Variants in TLL2 observed in about 807,000 individuals in gnomAD.
TLL2 encodes tolloid-like protein 2.
Under a neutral mutation model 123.0 loss-of-function variants are expected in TLL2, and 106 were observed. That is an observed-to-expected ratio of 0.86 (90% CI 0.74 to 1.01). TLL2 has a LOEUF of 1.01. Ranked by LOEUF, TLL2 falls within the 50% of genes least tolerant of loss-of-function variation. The probability of loss-of-function intolerance (pLI) is 0.00; values close to 1 mark genes in which losing one functional copy is unlikely to be tolerated. For synonymous variants in TLL2, 494 were observed against 516.8 expected (o/e 0.96, Z 0.60); for missense variants, 1,332 against 1,336.7 (o/e 1.00, Z 0.06).
rs1232966569 is a variant in TLL2 at position 96,476,234 on chromosome 10, A to ATTTTTTTTTT, written c.286+4114_286+4115insAAAAAAAAAA. 6.7e-3 allele frequency among the ~76,000 whole-genome samples: 143 copies of ATTTTTTTTTT among 21,492 alleles called. 6 individuals are homozygous for ATTTTTTTTTT. The highest frequency in any genetic ancestry group is 0.024 in the African/African-American group (136 of 5,572). The allele number at this position is 21,492 out of a possible 152,430, so 14.1% of individuals were successfully genotyped here. ...TTTAATTTTATATGTATATATATAT[A>ATTTTTTTTTT]TATATATTTTATTTTTGTTGTTGTT... On this transcript the variant is annotated intron_variant, in intron 2 of 20. Transcript: ENST00000357947.
At chr10:96,508,667 C>A (rs1309722110) in intron 1 of TLL2, among the ~76,000 whole-genome samples, 1 of 152,002 alleles carries the variant, frequency 6.6e-6, no homozygotes, top group Non-Finnish European at 1.5e-5. Context: ...TTTTGAGTCA[C>A]ATACCCTCAG....
chr10:96,430,338 C>T (rs1564905779), intron 4 of TLL2, among the ~76,000 whole-genome samples: 2 of 152,226 alleles, frequency 1.3e-5, no homozygotes, highest in Admixed American at 6.5e-5. Flanking sequence ...CTGTTGCCTT[C>T]CGCCATGATT....
At chr10:96,433,086 A>G (rs1366733000) in intron 3 of TLL2, 124 bp from the exon 4 acceptor site, 2 of 1,341,814 alleles carry the variant, frequency 1.5e-6, no homozygotes, top group Non-Finnish European at 2.0e-6. Context: ...GGGCTATTTC[A>G]TCAGTTCAGG....
At chr10:96,463,537 C>T (rs1415548812) in intron 2 of TLL2, among the ~76,000 whole-genome samples, 4 of 152,190 alleles carry the variant, frequency 2.6e-5, no homozygotes, top group South Asian at 2.1e-4. Flanking sequence ...GGATCCTGTT[C>T]GGTTCCACAA....
At chr10:96,456,375 C>T (rs1467412268) in intron 2 of TLL2, among the ~76,000 whole-genome samples, 1 of 152,108 alleles carries the variant, frequency 6.6e-6, no homozygotes, top group African/African-American at 2.4e-5. Flanking sequence ...TCCCAGGAGA[C>T]AGGGGCAGGG....
At chr10:96,469,204 C>T (rs930712768) in intron 2 of TLL2, among the ~76,000 whole-genome samples, 4 of 152,230 alleles carry the variant, frequency 2.6e-5, no homozygotes, top group African/African-American at 4.8e-5. Context: ...ACTCAACACA[C>T]GAGAGTCTCA....
At chr10:96,467,855 G>C (rs931952105) in intron 2 of TLL2, among the ~76,000 whole-genome samples, 1 of 152,220 alleles carries the variant, frequency 6.6e-6, no homozygotes, top group Non-Finnish European at 1.5e-5. Flanking sequence ...GTTGGTCAAA[G>C]CTGAGAGGCC....
At chr10:96,385,237 C>G (rs1846222984) in intron 15 of TLL2, among the ~76,000 whole-genome samples, 1 of 152,150 alleles carries the variant, frequency 6.6e-6, no homozygotes, top group Non-Finnish European at 1.5e-5. Flanking sequence ...AGACATTTGT[C>G]TGAAGTCACA....
chr10:96,500,161 T>TCTCTCCCAAAAAAAAAAAAAAAAA (rs1847521050), intron 1 of TLL2, among the ~76,000 whole-genome samples: 2 of 68,152 alleles, frequency 2.9e-5, no homozygotes, highest in South Asian at 4.1e-4. Context: ...AAAAAAAAAA[T>TCTCTCCCAAAAAAAAAAAAAAAAA]ACAAAAATTA....
intron 2 of TLL2, among the ~76,000 whole-genome samples, chr10:96,476,519 C>T (rs1589432213): frequency 6.6e-6 from 1 of 151,594 alleles, no homozygotes; most frequent in African/African-American, 2.4e-5. Context: ...GCCTCGGCCT[C>T]CCAAAGTGCT....
intron 9 of TLL2, among the ~76,000 whole-genome samples, chr10:96,407,628 A>G (rs993938794): frequency 1.3e-5 from 2 of 152,178 alleles, no homozygotes; most frequent in Admixed American, 1.3e-4. Context: ...CACAACTAAC[A>G]CTAACCACAC....
intron 18 of TLL2, among the ~76,000 whole-genome samples, chr10:96,375,595 T>C (rs1846130491): frequency 6.6e-6 from 1 of 152,112 alleles, no homozygotes; most frequent in Non-Finnish European, 1.5e-5. Flanking sequence ...GGATACCAGC[T>C]CTTAGCAGAG....
At chr10:96,369,977 C>G in intron 20 of TLL2, 88 bp downstream of exon 20, 3 of 1,472,818 alleles carry the variant, frequency 2.0e-6, no homozygotes, top group Non-Finnish European at 2.7e-6. Flanking sequence ...AGTAGGTGGC[C>G]GGGACTGAAA....
In TLL2 at chr10:96,369,781, G is replaced by T. The variant is rs182868647; in HGVS notation, c.2913+284C>A. ...AAAAGAAAAAAAAAAAAAAGGAGGG[G>T]AGAGGGAAAGCCTTTGCAAAAATAG... On this transcript the variant is annotated intron_variant, in intron 20 of 20. Transcript: ENST00000357947. 3.0e-3 allele frequency among the ~76,000 whole-genome samples: 450 copies of T among 151,932 alleles called. 3 individuals carry two copies. The highest frequency in any genetic ancestry group is 0.01 in the African/African-American group (431 of 41,470).
intron 8 of TLL2, among the ~76,000 whole-genome samples, chr10:96,410,849 A>G (rs910623631): frequency 6.6e-6 from 1 of 152,200 alleles, no homozygotes; most frequent in African/African-American, 2.4e-5. Flanking sequence ...TGTGCATTAC[A>G]TGAAATGGAT....
chr10:96,480,483 G>C, intron 1 of TLL2, 24 bp from the exon 2 acceptor site: 3 of 1,565,900 alleles, frequency 1.9e-6, no homozygotes, highest in South Asian at 1.1e-5. Flanking sequence ...ACATAAGTGG[G>C]TGAATTTATG....
chr10:96,450,695 C>T (rs998239566), intron 2 of TLL2, among the ~76,000 whole-genome samples: 1 of 152,062 alleles, frequency 6.6e-6, no homozygotes, highest in Non-Finnish European at 1.5e-5. Context: ...CAAATGAGTA[C>T]GACAGGTGTG....
At chr10:96,419,996 T>C (rs1846603475) in intron 7 of TLL2, among the ~76,000 whole-genome samples, 1 of 152,236 alleles carries the variant, frequency 6.6e-6, no homozygotes, top group South Asian at 2.1e-4. Context: ...AAACTTATTC[T>C]GGGCCTCAAC....
chr10:96,504,772 C>T (rs986222918), intron 1 of TLL2, among the ~76,000 whole-genome samples: 2 of 152,136 alleles, frequency 1.3e-5, no homozygotes, highest in South Asian at 2.1e-4. Flanking sequence ...TTTGGGAGGC[C>T]GAAGTGAGCA....
Sources: gnomAD v4.1 joint callset for allele counts (sites outside exome capture counted in the v4.1 genomes callset) on GRCh38, gnomAD v4.1.1 for gene constraint, MANE v1.5 for transcripts, NCBI Gene and HGNC (gene_info 2026-07-23, HGNC 2026-07-21) for gene names.